The following KCNJ1 variants were observed in gnomAD, a reference collection of about 807,000 sequenced individuals.
The protein encoded by KCNJ1 is potassium inwardly rectifying channel subfamily J member 1.
In KCNJ1, 24 loss-of-function variants were observed where a neutral mutation model predicts 21.9. The observed-to-expected ratio is 1.10, with a 90% CI of 0.79 to 1.54. The LOEUF (loss-of-function observed/expected upper bound fraction) is 1.54. Among genes scored for constraint, KCNJ1 ranks in the 40% most tolerant of loss-of-function variants. The probability of loss-of-function intolerance (pLI) is 0.00; values close to 1 mark genes in which losing one functional copy is unlikely to be tolerated. For missense variants in KCNJ1, 457 were observed against 455.4 expected (o/e 1.00, Z -0.03); for synonymous variants, 152 against 160.9 (o/e 0.94, Z 0.42).
chr11:128,848,026 C>G (rs546123205), intron 2 of KCNJ1, among the ~76,000 whole-genome samples: 1 of 152,078 alleles, frequency 6.6e-6, no homozygotes, highest in South Asian at 2.1e-4. Context: ...CAGTGGCTCA[C>G]GCCTGTAATC....
rs750854043 is a variant in KCNJ1 at position 128,839,530 on chromosome 11, A to C, written c.714T>G (p.Asn238Lys). 2 of 1,614,188 alleles carry C rather than the reference A, an allele frequency of 1.2e-6. No homozygotes were observed. The highest frequency in any genetic ancestry group is 8.5e-7 in the Non-Finnish European group (1 of 1,180,030). The change falls in exon 3 of 3, where the codon AAT (asparagine) becomes AAG (lysine). Residue 238 changes from asparagine (N) to lysine (K), a missense_variant. Asn to Lys is a moderately conservative substitution (Grantham distance 94, BLOSUM62 0). Transcript: ENST00000392666. ...ATGGGGAGATGAAGAATAAATTTTC[A>C]TTCCCAGCGTCAACTACAAAGTTGA... ...ININFVVDAG[N>K]ENLFFISPLT...
In KCNJ1 at chr11:128,838,976, C is replaced by T; in HGVS notation, c.*149G>A. The T allele has an allele frequency of 1.5e-6, 1 of 684,642 alleles. No individual in the cohort carries two copies. Among genetic ancestry groups the T allele is most frequent in the Non-Finnish European group, 2.5e-6 (1 of 393,432 alleles). 42.4% of individuals were successfully genotyped at this position (684,642 alleles called of 1,614,324 possible). A position where few individuals can be genotyped will look rare whatever the true frequency, so the allele number is the denominator to read the frequency against. On this transcript the variant is annotated 3_prime_UTR_variant, in exon 3 of 3. Coordinates refer to ENST00000392666, the MANE Select transcript of KCNJ1 (RefSeq NM_153766.3). ...TGTGGAGATGCATGTCTTGTGGGAT[C>T]ACAATTGCGGGGCTCAGGGGTCTTT...
At chr11:128,840,646 G>A (rs189511927) in intron 2 of KCNJ1, among the ~76,000 whole-genome samples, 1 of 152,102 alleles carries the variant, frequency 6.6e-6, no homozygotes, top group East Asian at 1.9e-4. Context: ...CATAAGTTTA[G>A]CCTTATGTTA....
At chr11:128,857,534 C>G (rs1478372891) in intron 1 of KCNJ1, among the ~76,000 whole-genome samples, 1 of 152,240 alleles carries the variant, frequency 6.6e-6, no homozygotes, top group Non-Finnish European at 1.5e-5. Context: ...AGTGCAGGGA[C>G]CTGTCAGCTG....
In KCNJ1 at chr11:128,858,204, C is replaced by T. The variant is rs372046974; in HGVS notation, c.-191-7314G>A. On this transcript the variant is annotated intron_variant, in intron 1 of 2. Coordinates refer to ENST00000392666, the MANE Select transcript of KCNJ1 (RefSeq NM_153766.3). Reference sequence around the variant, plus strand: ...GGATGGGGAGGGATGAGAAGGGATGCGGAGGCAAAGAACACTGGCAAGTAA... The same window carrying T: ...GGATGGGGAGGGATGAGAAGGGATGTGGAGGCAAAGAACACTGGCAAGTAA... 1.9e-4 allele frequency among the ~76,000 whole-genome samples: 29 copies of T among 150,282 alleles called. No homozygotes were observed. In the East Asian group the frequency reaches 4.9e-3, roughly 25 times the overall value.
chr11:128,865,667 G>T (rs541331032), intron 1 of KCNJ1, among the ~76,000 whole-genome samples: 301 of 152,268 alleles, frequency 2.0e-3, no homozygotes, highest in African/African-American at 6.8e-3. Flanking sequence ...AAACCCTGGA[G>T]CAAGTAAAAG....
intron 2 of KCNJ1, among the ~76,000 whole-genome samples, chr11:128,848,520 T>A (rs1264271939): frequency 6.6e-6 from 1 of 152,164 alleles, no homozygotes; most frequent in Non-Finnish European, 1.5e-5. Flanking sequence ...TTTCCTGTTG[T>A]TCTTCATAAT....
At chr11:128,863,488 G>C (rs1943755340) in intron 1 of KCNJ1, among the ~76,000 whole-genome samples, 1 of 152,208 alleles carries the variant, frequency 6.6e-6, no homozygotes, top group Non-Finnish European at 1.5e-5. Flanking sequence ...GCATACTGGG[G>C]AACCAATTTT....
chr11:128,850,192 C>G (rs971965789), intron 2 of KCNJ1, among the ~76,000 whole-genome samples: 2 of 152,118 alleles, frequency 1.3e-5, no homozygotes, highest in African/African-American at 4.8e-5. Context: ...CCACACCCAC[C>G]CCCTTGCCAA....
intron 1 of KCNJ1, among the ~76,000 whole-genome samples, chr11:128,853,415 A>T (rs2135952762): frequency 6.6e-6 from 1 of 152,350 alleles, no homozygotes; most frequent in South Asian, 2.1e-4. Context: ...GAGGCCAGAG[A>T]TTGTATGATT....
rs145238555 is a variant in KCNJ1, at chr11:128,851,645, T to C, written c.-191-755A>G. 3.3e-4 allele frequency among the ~76,000 whole-genome samples: 50 copies of C among 152,332 alleles called. No homozygotes were observed. In the East Asian group the frequency reaches 8.5e-3, roughly 26 times the overall value. Reference sequence around the variant, plus strand: ...AGTTCTGTGTGGTTTGGGTTGGTATTAAATCAACTCAGTCTTTCCAGACCA... The same window carrying C: ...AGTTCTGTGTGGTTTGGGTTGGTATCAAATCAACTCAGTCTTTCCAGACCA... On this transcript the variant is annotated intron_variant, in intron 1 of 2. Transcript: ENST00000392666.
In KCNJ1 at chr11:128,850,907, CAT is replaced by C. The variant is rs1157189751; in HGVS notation, c.-191-19_-191-18del. ...AGAAGAAACCTGGTAAAATACAACA[CAT>C]ATGGCTACTGTCTGGAGACAGAGGA... On this transcript the variant is annotated intron_variant, in intron 1 of 2. Coordinates refer to ENST00000392666, the MANE Select transcript of KCNJ1 (RefSeq NM_153766.3). The C allele has an allele frequency of 1.0e-6, 1 of 983,670 alleles. No individual in the cohort carries two copies. Among genetic ancestry groups the C allele is most frequent in the Non-Finnish European group, 1.2e-6 (1 of 828,404 alleles). 60.9% of individuals were successfully genotyped at this position (983,670 alleles called of 1,614,324 possible). A position where few individuals can be genotyped will look rare whatever the true frequency, so the allele number is the denominator to read the frequency against.
At chr11:128,843,535 A>T (rs1943325075) in intron 2 of KCNJ1, among the ~76,000 whole-genome samples, 2 of 152,176 alleles carry the variant, frequency 1.3e-5, no homozygotes, top group African/African-American at 4.8e-5. Flanking sequence ...CCAAACACTG[A>T]TTGTATGCTT....
chr11:128,864,074 C>CTTTTTTTTTTTTTTTTTTT (rs71472076), intron 1 of KCNJ1, among the ~76,000 whole-genome samples: 2 of 86,682 alleles, frequency 2.3e-5, no homozygotes, highest in African/African-American at 4.8e-5. Context: ...CTTTTTCTCT[C>CTTTTTTTTTTTTTTTTTTT]TTTTTTTTTT....
At position 128,855,090 on chromosome 11, in the gene KCNJ1, G is replaced by A. The variant is rs557517335; in HGVS notation, c.-191-4200C>T. ...TTTCTCAATGTAATCGATTAAGCCTGGAAAACAAACAAAAAATAGTTGCTA... is the reference window on the plus strand; with the variant it reads ...TTTCTCAATGTAATCGATTAAGCCTAGAAAACAAACAAAAAATAGTTGCTA... On this transcript the variant is annotated intron_variant, in intron 1 of 2. Transcript: ENST00000392666. Among the ~76,000 whole-genome samples, 11 of 152,250 alleles carry A rather than the reference G, an allele frequency of 7.2e-5. No individual in the cohort carries two copies. In the South Asian group the frequency reaches 2.3e-3, roughly 32 times the overall value.
Position 128,852,802 on chromosome 11 carries a change from C to A in KCNJ1, c.-191-1912G>T, listed in dbSNP as rs186520084. 1.6e-4 allele frequency among the ~76,000 whole-genome samples: 25 copies of A among 152,382 alleles called. No individual in the cohort carries two copies. In the East Asian group the frequency reaches 4.4e-3, roughly 27 times the overall value. ...ATGTCTTGAACTGCTCTTGACCAAT[C>A]CTCGTGTCTGCCTCTGAAACAAGGA... On this transcript the variant is annotated intron_variant, in intron 1 of 2. Coordinates refer to ENST00000392666, the MANE Select transcript of KCNJ1 (RefSeq NM_153766.3).
chr11:128,866,449 G>T (rs571204088), intron 1 of KCNJ1: 1 of 467,738 alleles, frequency 2.1e-6, no homozygotes, highest in Non-Finnish European at 2.8e-6. Flanking sequence ...TGCTGGTTGC[G>T]AAAGACCAAC....
rs1220573171 is a variant in KCNJ1 at position 128,838,192 on chromosome 11, T to C, written c.*933A>G. 6.6e-6 allele frequency: 1 copy of C among 152,598 alleles called. No individual in the cohort carries two copies. The highest frequency in any genetic ancestry group is 2.4e-5 in the African/African-American group (1 of 41,436). 9.5% of individuals were successfully genotyped at this position (152,598 alleles called of 1,614,324 possible). ...CAAGGTCGAGCCTTCCATAAGCTGGTCCCTTTTAGGAAGATGGGCTGTCAG... is the reference window on the plus strand; with the variant it reads ...CAAGGTCGAGCCTTCCATAAGCTGGCCCCTTTTAGGAAGATGGGCTGTCAG... On this transcript the variant is annotated 3_prime_UTR_variant, in exon 3 of 3. Transcript: ENST00000392666.
intron 1 of KCNJ1, among the ~76,000 whole-genome samples, chr11:128,865,336 T>C (rs375681947): frequency 6.6e-6 from 1 of 152,132 alleles, no homozygotes; most frequent in African/African-American, 2.4e-5. Context: ...CCTGTTTCCA[T>C]GCACATAGCC....
Sources: gnomAD v4.1 joint callset for allele counts (sites outside exome capture counted in the v4.1 genomes callset) on GRCh38, gnomAD v4.1.1 for gene constraint, MANE v1.5 for transcripts, NCBI Gene and HGNC (gene_info 2026-07-23, HGNC 2026-07-21) for gene names.